The following PWWP2A variants were observed in gnomAD, a reference collection of about 807,000 sequenced individuals.
PWWP2A encodes the protein PWWP domain-containing protein 2A.
A neutral mutation model predicts 48.5 loss-of-function variants in PWWP2A; 18 were observed. The observed-to-expected ratio is 0.37, with a 90% CI of 0.26 to 0.55. The LOEUF (loss-of-function observed/expected upper bound fraction) is 0.55, where lower values mean the gene tolerates loss of function less well. Among genes scored for constraint, PWWP2A ranks in the 20% least tolerant of loss-of-function variants. PWWP2A has a pLI of 0.81. For missense variants in PWWP2A, 867 were observed against 976.4 expected (o/e 0.89, Z 1.49); for synonymous variants, 396 against 387.7 (o/e 1.02, Z -0.25).
In PWWP2A at chr5:160,091,375, G is replaced by GTTT; in HGVS notation, c.*1006_*1007insAAA. 1 of 872,460 alleles carries GTTT rather than the reference G, an allele frequency of 1.1e-6. No individual in the cohort carries two copies. The highest frequency in any genetic ancestry group is 1.4e-6 in the Non-Finnish European group (1 of 735,488). 54.0% of individuals were successfully genotyped at this position (872,460 alleles called of 1,614,324 possible). Reference sequence around the variant, plus strand: ...TTGATTTTATTTACAGCTTTTTTTTGGTTTTTTTTTTTTTTTTTACATTTC... The same window carrying GTTT: ...TTGATTTTATTTACAGCTTTTTTTTGTTTGTTTTTTTTTTTTTTTTTACATTTC... On this transcript the variant is annotated 3_prime_UTR_variant, in exon 2 of 2. Transcript: ENST00000307063.
rs140024690 is a variant in PWWP2A, at chr5:160,104,980, G to T, written c.585-10915C>A. ...CTGGTGGCCAGGCCTTGTGGCTCAC[G>T]CCTGTAATCCAAGCATTTCTGGAGG... On this transcript the variant is annotated intron_variant, in intron 1 of 1. Transcript: ENST00000307063. Among the ~76,000 whole-genome samples the T allele has an allele frequency of 2.2e-3, 334 of 152,116 alleles. 5 individuals are homozygous for T. The highest frequency in any genetic ancestry group is 6.8e-3 in the Middle Eastern group (2 of 292).
chr5:160,110,906 C>A (rs1581268180), intron 1 of PWWP2A, among the ~76,000 whole-genome samples: 1 of 148,324 alleles, frequency 6.7e-6, no homozygotes, highest in Non-Finnish European at 1.5e-5. Context: ...TGGTACAAGC[C>A]TGTACTCCCA....
intron 1 of PWWP2A, among the ~76,000 whole-genome samples, chr5:160,112,972 C>T (rs1298762038): frequency 1.3e-5 from 2 of 152,132 alleles, no homozygotes; most frequent in Admixed American, 6.6e-5. Context: ...GTCTGGCCAA[C>T]ATGATGAAAC....
chr5:160,101,617 T>A (rs533327974), intron 1 of PWWP2A, among the ~76,000 whole-genome samples: 45 of 151,926 alleles, frequency 3.0e-4, no homozygotes, highest in Non-Finnish European at 4.9e-4. Flanking sequence ...TACTTAACAC[T>A]ATTGAACTGT....
At chr5:160,056,148 T>C in the PWWP2A span, among the ~76,000 whole-genome samples, 2 of 152,218 alleles carry the variant, frequency 1.3e-5, no homozygotes, top group African/African-American at 2.4e-5. Flanking sequence ...TTGAAACTTA[T>C]CTACTTCCCT....
rs138848145 is a variant in PWWP2A at position 160,107,346 on chromosome 5, T to C, written c.584+11459A>G. 1.3e-4 allele frequency among the ~76,000 whole-genome samples: 20 copies of C among 152,334 alleles called. No homozygotes were observed. The East Asian group carries it at 3.9e-3, about 29-fold the overall frequency. Reference sequence around the variant, plus strand: ...AAAAGTGTTTAGTAAAGGCATTCTATATTAAATCTACCTAGAATATAACTT... The same window carrying C: ...AAAAGTGTTTAGTAAAGGCATTCTACATTAAATCTACCTAGAATATAACTT... On this transcript the variant is annotated intron_variant, in intron 1 of 1. Transcript: ENST00000307063.
intron 1 of PWWP2A, among the ~76,000 whole-genome samples, chr5:160,095,806 C>T (rs972969530): frequency 2.6e-5 from 4 of 151,374 alleles, no homozygotes; most frequent in Non-Finnish European, 5.9e-5. Context: ...GCAATCCTCC[C>T]GTCTCAGCCT....
chr5:160,051,081 GGT>G, the PWWP2A span: 8 of 1,094,286 alleles, frequency 7.3e-6, no homozygotes, highest in South Asian at 1.6e-5. Context: ...GAAAGGTTTT[GGT>G]TTTTTTTTTT....
At chr5:160,090,060 G>A, downstream of PWWP2A, 1 of 985,336 alleles carries the variant, frequency 1.0e-6, no homozygotes, top group Non-Finnish European at 1.2e-6. Flanking sequence ...ATGCCAGACT[G>A]CCAGTTTAAA....
intron 1 of PWWP2A, among the ~76,000 whole-genome samples, chr5:160,109,774 A>AAAATATATATATATATATAT (rs1554104831): frequency 7.9e-5 from 2 of 25,224 alleles, no homozygotes; most frequent in Non-Finnish European, 1.4e-4. Context: ...AAAAAAAAAA[A>AAAATATATATATATATATAT]ATATATATAT....
At chr5:160,080,538 TAAAG>T (rs1754154550) in intron 3 of PWWP2A, 1 of 1,070,590 alleles carries the variant, frequency 9.3e-7, no homozygotes, top group Non-Finnish European at 1.2e-6. Context: ...CAATGAAAAC[TAAAG>T]AAAAAGAACT....
chr5:160,062,807 G>T (rs1015914525), intron 5 of PWWP2A, among the ~76,000 whole-genome samples: 1 of 149,862 alleles, frequency 6.7e-6, no homozygotes, highest in Non-Finnish European at 1.5e-5. Flanking sequence ...GCTTTTGATG[G>T]TTTTTTTTTT....
chr5:160,111,327 C>A lies in PWWP2A; in HGVS notation c.584+7478G>T, dbSNP rs183738074. Among the ~76,000 whole-genome samples the A allele has an allele frequency of 9.4e-3, 1,424 of 152,172 alleles. 7 individuals carry two copies. Among genetic ancestry groups the A allele is most frequent in the Non-Finnish European group, 0.015 (1,042 of 68,012 alleles). On this transcript the variant is annotated intron_variant, in intron 1 of 1. Transcript: ENST00000307063. ...GGATTACAGGCACATGCCACTACGC[C>A]CGGCTAATTTTTGTATTTTTAGTAG...
intron 1 of PWWP2A, among the ~76,000 whole-genome samples, chr5:160,101,468 C>G (rs112566046): frequency 0.011 from 1,656 of 152,162 alleles, 30 homozygotes; most frequent in African/African-American, 0.038. Context: ...CTAAAGTAGT[C>G]AAATTCACAG....
chr5:160,114,157 A>G (rs1356803621), intron 1 of PWWP2A, among the ~76,000 whole-genome samples: 1 of 152,210 alleles, frequency 6.6e-6, no homozygotes, highest in Non-Finnish European at 1.5e-5. Context: ...AGTAGAGTCT[A>G]AAGTATCTTG....
downstream of PWWP2A, chr5:160,090,213 C>T (rs1238019098): frequency 4.1e-6 from 4 of 984,886 alleles, no homozygotes; most frequent in Non-Finnish European, 4.8e-6. Context: ...GAAACAAATC[C>T]AATTTGGTTT....
chr5:160,046,166 C>A, the PWWP2A span, among the ~76,000 whole-genome samples: 18 of 152,274 alleles, frequency 1.2e-4, no homozygotes, highest in African/African-American at 4.1e-4. Context: ...TTTGTCTTAT[C>A]CTATTTTTCT....
chr5:160,102,069 C>T (rs1756364844), intron 1 of PWWP2A, among the ~76,000 whole-genome samples: 2 of 149,478 alleles, frequency 1.3e-5, no homozygotes, highest in African/African-American at 5.0e-5. Context: ...AAGATCACAC[C>T]ATTGCCCTCC....
intron 1 of PWWP2A, among the ~76,000 whole-genome samples, chr5:160,101,656 A>AT (rs55790564): frequency 0.6 from 90,071 of 149,310 alleles, 26,896 homozygotes; most frequent in East Asian, 0.62. Context: ...ACATTTTGTT[A>AT]TTTTTTTTTT....
Sources: gnomAD v4.1 joint callset for allele counts (sites outside exome capture counted in the v4.1 genomes callset) on GRCh38, gnomAD v4.1.1 for gene constraint, MANE v1.5 for transcripts, NCBI Gene and HGNC (gene_info 2026-07-23, HGNC 2026-07-21) for gene names.